The following PLD5 variants were observed in gnomAD, a reference collection of about 807,000 sequenced individuals.
PLD5 encodes the protein phospholipase D family member 5, also known as inactive phospholipase D5.
PLD5 carries 36 observed loss-of-function variants against 61.1 expected under a neutral mutation model. That is an observed-to-expected ratio of 0.59 (90% CI 0.45 to 0.78). The LOEUF is 0.78. PLD5 is among the 30% of genes least tolerant of loss of function. The pLI, the probability that PLD5 is intolerant of heterozygous loss-of-function variation, is 0.00. For missense variants in PLD5, 515 were observed against 644.4 expected, an observed-to-expected ratio of 0.80 and a Z score of 2.17; for synonymous variants, 243 against 242.8, an observed-to-expected ratio of 1.00 and a Z score of -0.01.
chr1:242,387,667 A>T (rs533918662), intron 1 of PLD5, among the ~76,000 whole-genome samples: 19 of 142,398 alleles, frequency 1.3e-4, no homozygotes, highest in African/African-American at 5.1e-4. Flanking sequence ...ATAAAATTTT[A>T]TCTATTTTAT....
chr1:242,369,113 G>C (rs1393147714), intron 1 of PLD5, among the ~76,000 whole-genome samples: 3 of 152,178 alleles, frequency 2.0e-5, no homozygotes, highest in African/African-American at 7.2e-5. Flanking sequence ...CTCAATGAAA[G>C]AACATTGAGA....
chr1:242,503,614 T>C (rs915832046), intron 1 of PLD5, among the ~76,000 whole-genome samples: 1 of 152,136 alleles, frequency 6.6e-6, no homozygotes, highest in Non-Finnish European at 1.5e-5. Context: ...GCCCTCCACC[T>C]CACAATGGGA....
intron 1 of PLD5, among the ~76,000 whole-genome samples, 159 bp from the exon 2 acceptor site, chr1:242,348,401 C>A (rs1313394620): frequency 2.0e-5 from 3 of 152,108 alleles, no homozygotes; most frequent in Admixed American, 6.6e-5. Flanking sequence ...TGCCAAAGAT[C>A]TTTATGCTTA....
chr1:242,286,048 G>A (rs1675003226), intron 3 of PLD5, among the ~76,000 whole-genome samples: 2 of 152,212 alleles, frequency 1.3e-5, no homozygotes, highest in South Asian at 4.1e-4. Flanking sequence ...GGTGGAGGTT[G>A]CAGAGAGCCG....
intron 1 of PLD5, among the ~76,000 whole-genome samples, chr1:242,385,622 C>T (rs927135280): frequency 6.6e-6 from 1 of 152,106 alleles, no homozygotes; most frequent in Admixed American, 6.6e-5. Context: ...ACTTTGTCAC[C>T]CCCACGACCT....
At chr1:242,430,880 C>T (rs1665678790) in intron 1 of PLD5, among the ~76,000 whole-genome samples, 1 of 152,128 alleles carries the variant, frequency 6.6e-6, no homozygotes, top group African/African-American at 2.4e-5. Context: ...TGCACAAGCA[C>T]CATGCCCCAC....
rs1277511751 is a variant in PLD5, at chr1:242,207,924, A to ATATATATT, written c.735+12056_735+12063dup. 1.3e-3 allele frequency among the ~76,000 whole-genome samples: 63 copies of ATATATATT among 49,748 alleles called. 21 individuals carry two copies. The highest frequency in any genetic ancestry group is 1.8e-3 in the Non-Finnish European group (60 of 32,718). 32.6% of individuals were successfully genotyped at this position (49,748 alleles called of 152,430 possible). A position where few individuals can be genotyped will look rare whatever the true frequency, so the allele number is the denominator to read the frequency against. ...TATATTTATATATATTTATATATTTATATATATTTATATATTTATATATAT... is the reference window on the plus strand; with the variant it reads ...TATATTTATATATATTTATATATTTATATATATTTATATATTTATATATTTATATATAT... On this transcript the variant is annotated intron_variant, in intron 5 of 9. Transcript: ENST00000536534.
At chr1:242,408,129 A>G (rs975322400) in intron 1 of PLD5, among the ~76,000 whole-genome samples, 4 of 152,206 alleles carry the variant, frequency 2.6e-5, no homozygotes, top group African/African-American at 9.6e-5. Context: ...TTAAAAGCAT[A>G]CATTGTGTGG....
intron 2 of PLD5, among the ~76,000 whole-genome samples, chr1:242,291,861 A>G (rs1675387909): frequency 6.6e-6 from 1 of 152,112 alleles, no homozygotes; most frequent in Non-Finnish European, 1.5e-5. Context: ...GAAAGAATGT[A>G]AATTGGGGAT....
At chr1:242,494,074 C>T (rs1482835512) in intron 1 of PLD5, among the ~76,000 whole-genome samples, 3 of 123,968 alleles carry the variant, frequency 2.4e-5, no homozygotes, top group African/African-American at 9.3e-5. Context: ...CCCTCCACTC[C>T]CCTCCCCTGC....
chr1:242,526,917 G>T (rs1669459609), upstream of PLD5, among the ~76,000 whole-genome samples: 1 of 152,108 alleles, frequency 6.6e-6, no homozygotes, highest in South Asian at 2.1e-4. Context: ...TGCTGTATGA[G>T]ATTAGGTATT....
chr1:242,439,555 A>C (rs1234093899), intron 1 of PLD5, among the ~76,000 whole-genome samples: 8 of 152,190 alleles, frequency 5.3e-5, no homozygotes, highest in Non-Finnish European at 1.0e-4. Flanking sequence ...AGCGGTCCAT[A>C]AATATCTACT....
intron 1 of PLD5, among the ~76,000 whole-genome samples, chr1:242,454,290 G>A (rs1310267927): frequency 6.7e-6 from 1 of 149,108 alleles, no homozygotes; most frequent in African/African-American, 2.5e-5. Context: ...CCGAGATCAT[G>A]CATTGCACTC....
chr1:242,338,298 G>C (rs113650873), intron 2 of PLD5, among the ~76,000 whole-genome samples: 8,897 of 152,208 alleles, frequency 0.058, 319 homozygotes, highest in Middle Eastern at 0.099. Flanking sequence ...CTCAGGTTCA[G>C]GTTGGGCTCT....
At chr1:242,512,147 C>T (rs1014135976) in intron 1 of PLD5, among the ~76,000 whole-genome samples, 1 of 151,722 alleles carries the variant, frequency 6.6e-6, no homozygotes, top group Non-Finnish European at 1.5e-5. Context: ...TGCGGTGGTT[C>T]ACGCCTGTAA....
chr1:242,382,521 T>A (rs1480561901), intron 1 of PLD5, among the ~76,000 whole-genome samples: 1 of 152,132 alleles, frequency 6.6e-6, no homozygotes, highest in Non-Finnish European at 1.5e-5. Context: ...GGAGGGAACA[T>A]TTAACTCTGC....
In PLD5 at chr1:242,089,524, C is replaced by T. The variant is rs1659646740; in HGVS notation, c.*330G>A. The T allele has an allele frequency of 4.0e-6, 2 of 499,754 alleles. No homozygotes were observed. Among genetic ancestry groups the T allele is most frequent in the African/African-American group, 1.9e-5 (1 of 51,526 alleles). The allele number at this position is 499,754 out of a possible 1,614,324, so 31.0% of individuals were successfully genotyped here. On this transcript the variant is annotated 3_prime_UTR_variant, in exon 10 of 10. Coordinates refer to ENST00000536534, the MANE Select transcript of PLD5 (RefSeq NM_001372062.1). ...AAAGAGCCCACCTCATGCTAAGCTT[C>T]CTAACAACTGACCGGGTAGGTCAGC... is the stretch of plus-strand genomic sequence containing the variant.
intron 7 of PLD5, among the ~76,000 whole-genome samples, chr1:242,112,323 G>GTGTATA (rs1353476913): frequency 7.4e-5 from 6 of 80,568 alleles, no homozygotes; most frequent in South Asian, 6.2e-4. Context: ...GTGTGTGTGT[G>GTGTATA]TATGTATGTA....
rs559367823 is a variant in PLD5 at position 242,424,301 on chromosome 1, G to A, written c.190-76059C>T. Among the ~76,000 whole-genome samples, 5 of 152,168 alleles carry A rather than the reference G, an allele frequency of 3.3e-5. No individual in the cohort carries two copies. The South Asian group carries it at 1.0e-3, about 32-fold the overall frequency. On this transcript the variant is annotated intron_variant, in intron 1 of 9. Coordinates refer to ENST00000536534, the MANE Select transcript of PLD5 (RefSeq NM_001372062.1). ...TCTGATTAGCCATCAGTTTGCCTGA[G>A]GTCCCATAACACAGTTCTCCTCTCA...
Sources: allele counts gnomAD v4.1 joint callset (sites outside exome capture counted in the v4.1 genomes callset), GRCh38; gene constraint gnomAD v4.1.1; transcripts MANE v1.5; gene names NCBI Gene and HGNC (gene_info 2026-07-23, HGNC 2026-07-21).